RSPO3: variants seen among roughly 807,000 people sequenced by gnomAD.
RSPO3 encodes the protein R-spondin 3, also known as R-spondin-3.
A neutral mutation model predicts 36.5 loss-of-function variants in RSPO3; 17 were observed. The ratio of observed to expected loss-of-function variants is 0.47; its 90% CI spans 0.32 to 0.70. The LOEUF (loss-of-function observed/expected upper bound fraction) is 0.70. Among genes scored for constraint, RSPO3 ranks in the 30% least tolerant of loss-of-function variants. The pLI, the probability that RSPO3 is intolerant of heterozygous loss-of-function variation, is 0.04. For missense variants in RSPO3, 294 were observed against 322.5 expected (o/e 0.91, Z 0.68); for synonymous variants, 108 against 107.0 (o/e 1.01, Z -0.06).
intron 4 of RSPO3, among the ~76,000 whole-genome samples, chr6:127,187,378 C>T (rs2114261706): frequency 6.6e-6 from 1 of 152,152 alleles, no homozygotes; most frequent in African/African-American, 2.4e-5. Flanking sequence ...CCAAAGTATC[C>T]TATTCAGGGT....
At chr6:127,128,309 C>T (rs528246745) in intron 1 of RSPO3, among the ~76,000 whole-genome samples, 5 of 151,932 alleles carry the variant, frequency 3.3e-5, no homozygotes, top group Non-Finnish European at 7.4e-5. Flanking sequence ...AATAATTTTC[C>T]GCCCTGAGGT....
At chr6:127,175,527 C>T (rs1462435842) in intron 4 of RSPO3, among the ~76,000 whole-genome samples, 2 of 151,644 alleles carry the variant, frequency 1.3e-5, no homozygotes, top group Admixed American at 6.6e-5. Context: ...CAATTTTGTT[C>T]GTATATGAGC....
intron 1 of RSPO3, among the ~76,000 whole-genome samples, chr6:127,135,926 CAAAA>C (rs5879836): frequency 1.2e-4 from 14 of 115,008 alleles, no homozygotes; most frequent in Admixed American, 1.8e-4. Flanking sequence ...GACCCTGCCT[CAAAA>C]AAAAAAAAAA....
intron 1 of RSPO3, among the ~76,000 whole-genome samples, chr6:127,140,754 C>T (rs191061244): frequency 6.6e-6 from 1 of 152,124 alleles, no homozygotes; most frequent in Non-Finnish European, 1.5e-5. Context: ...CTCCAACCAC[C>T]CTTTGTAACT....
rs554612662 is a variant in RSPO3 at position 127,178,597 on chromosome 6, CAT to C, written c.635-17225_635-17224del. The stretch of plus-strand genomic sequence containing the variant: ...TACATTATACACACACAAACACACA[CAT>C]GTTTTGTGAACTTTTATAAATGGAA... On this transcript the variant is annotated intron_variant, in intron 4 of 4. Coordinates refer to ENST00000356698, the MANE Select transcript of RSPO3 (RefSeq NM_032784.5). Among the ~76,000 whole-genome samples the C allele has an allele frequency of 1.8e-4, 27 of 151,786 alleles. No individual in the cohort carries two copies. In the East Asian group the frequency reaches 2.3e-3, roughly 13 times the overall value.
intron 3 of RSPO3, among the ~76,000 whole-genome samples, chr6:127,153,115 T>C (rs896617733): frequency 6.6e-6 from 1 of 152,106 alleles, no homozygotes; most frequent in African/African-American, 2.4e-5. Context: ...GGACCGGAGC[T>C]CATTACCTTT....
intron 4 of RSPO3, among the ~76,000 whole-genome samples, chr6:127,193,853 A>G (rs1335551684): frequency 4.6e-5 from 7 of 152,190 alleles, no homozygotes; most frequent in Non-Finnish European, 8.8e-5. Context: ...CTTTTAAGTG[A>G]AAAGAATAAT....
At chr6:127,151,895 G>GA (rs371304510) in intron 3 of RSPO3, among the ~76,000 whole-genome samples, 11 of 152,062 alleles carry the variant, frequency 7.2e-5, no homozygotes, top group African/African-American at 2.2e-4. Context: ...CCAAACACTG[G>GA]AAAAAATAGA....
chr6:127,150,587 T>A lies in RSPO3; in HGVS notation c.436+15T>A. ...TGTCAGTATTGGTAAGGAGAACCTG[T>A]AATAATTTGAGTAAGTGATAATGTC... On this transcript the variant is annotated intron_variant, in intron 3 of 4. Coordinates refer to ENST00000356698, the MANE Select transcript of RSPO3 (RefSeq NM_032784.5). 1 of 1,598,008 alleles carries A rather than the reference T, an allele frequency of 6.3e-7. No individual in the cohort carries two copies. The highest frequency in any genetic ancestry group is 8.5e-7 in the Non-Finnish European group (1 of 1,173,696).
chr6:127,123,695 T>G (rs978592196), intron 1 of RSPO3, among the ~76,000 whole-genome samples: 1 of 152,228 alleles, frequency 6.6e-6, no homozygotes. Context: ...AATGTAAGAA[T>G]GAGTATGAAA....
chr6:127,171,044 C>A lies in RSPO3; in HGVS notation c.634+15606C>A, dbSNP rs1258268782. On this transcript the variant is annotated intron_variant, in intron 4 of 4. Transcript: ENST00000356698. ...TTAAGGTAGTTATGTGTTTTTTACC[C>A]CAATTTAAAATAAAATAAAAATAAA... Among the ~76,000 whole-genome samples, 6 of 151,468 alleles carry A rather than the reference C, an allele frequency of 4.0e-5. No individual in the cohort carries two copies. In the Admixed American group the frequency reaches 4.0e-4, roughly 10 times the overall value.
intron 3 of RSPO3, among the ~76,000 whole-genome samples, chr6:127,151,453 A>G (rs1462194877): frequency 6.6e-6 from 1 of 152,024 alleles, no homozygotes; most frequent in African/African-American, 2.4e-5. Context: ...CCCCTGGGCA[A>G]GAACTACAGG....
chr6:127,179,128 T>C (rs2114629304), intron 4 of RSPO3, among the ~76,000 whole-genome samples: 1 of 151,988 alleles, frequency 6.6e-6, no homozygotes, highest in African/African-American at 2.4e-5. Flanking sequence ...CAGAAAAATA[T>C]ACCAACCATA....
intron 3 of RSPO3, among the ~76,000 whole-genome samples, chr6:127,154,748 C>T (rs1319897656): frequency 6.6e-6 from 1 of 152,102 alleles, no homozygotes; most frequent in Non-Finnish European, 1.5e-5. Context: ...CACAGCCCTG[C>T]CCCAGATAAC....
intron 4 of RSPO3, among the ~76,000 whole-genome samples, chr6:127,158,125 CAG>C: frequency 6.8e-6 from 1 of 146,774 alleles, no homozygotes; most frequent in South Asian, 2.2e-4. Context: ...AGCATATCAA[CAG>C]AGCAAATTTA....
intron 3 of RSPO3, among the ~76,000 whole-genome samples, chr6:127,154,625 A>C (rs1331127305): frequency 1.3e-5 from 2 of 152,174 alleles, no homozygotes; most frequent in Non-Finnish European, 2.9e-5. Flanking sequence ...GGCAGTAAAT[A>C]GTAGGCCAAA....
intron 1 of RSPO3, among the ~76,000 whole-genome samples, chr6:127,132,168 A>G (rs537933414): frequency 2.0e-5 from 3 of 151,914 alleles, no homozygotes; most frequent in African/African-American, 7.2e-5. Context: ...CATTCTGACA[A>G]ACTGTTCTGG....
intron 4 of RSPO3, among the ~76,000 whole-genome samples, chr6:127,191,643 T>C (rs954956721): frequency 6.6e-6 from 1 of 152,208 alleles, no homozygotes; most frequent in Non-Finnish European, 1.5e-5. Flanking sequence ...AGCTACTCTT[T>C]CAAAAATTAA....
chr6:127,180,487 C>CAAAAAAAAAAAAAAAAAAA (rs71543112), intron 4 of RSPO3, among the ~76,000 whole-genome samples: 2 of 42,618 alleles, frequency 4.7e-5, no homozygotes, highest in African/African-American at 8.4e-5. Context: ...TGGAAGAAAA[C>CAAAAAAAAAAAAAAAAAAA]AAAAAAAAAA....
Sources: gnomAD v4.1 joint callset for allele counts (sites outside exome capture counted in the v4.1 genomes callset) on GRCh38, gnomAD v4.1.1 for gene constraint, MANE v1.5 for transcripts, NCBI Gene and HGNC (gene_info 2026-07-23, HGNC 2026-07-21) for gene names.